The following POC1B variants were observed in gnomAD, a reference collection of about 807,000 sequenced individuals.
The protein encoded by POC1B is POC1 centriolar protein homolog B.
In POC1B, 44 loss-of-function variants were observed where a neutral mutation model predicts 60.6. That is an observed-to-expected ratio of 0.73 (90% confidence interval 0.57 to 0.93). POC1B has a LOEUF of 0.93. POC1B is among the 40% of genes least tolerant of loss of function. POC1B has a pLI of 0.00. For synonymous variants in POC1B, 180 were observed against 198.9 expected, an observed-to-expected ratio of 0.90 and a Z score of 0.80; for missense variants, 555 against 572.3, an observed-to-expected ratio of 0.97 and a Z score of 0.31.
intron 2 of POC1B, among the ~76,000 whole-genome samples, chr12:89,510,785 T>C (rs1427856974): frequency 7.3e-6 from 1 of 136,270 alleles, no homozygotes; most frequent in Non-Finnish European, 1.6e-5. Context: ...TGATATGGAG[T>C]CTCATTCTGT....
Position 89,453,583 on chromosome 12 carries a change from C to A in POC1B, c.1113+6055G>T, listed in dbSNP as rs536959398. Among the ~76,000 whole-genome samples, 4 of 152,306 alleles carry A rather than the reference C, an allele frequency of 2.6e-5. No individual in the cohort carries two copies. The South Asian group carries it at 8.3e-4, about 32-fold the overall frequency. ...AGTTTCAGAAGTCATATGCCCTAAA[C>A]TGACAAATCAAATGCCACCATATAA... On this transcript the variant is annotated intron_variant, in intron 10 of 11. Transcript: ENST00000313546.
intron 10 of POC1B, among the ~76,000 whole-genome samples, chr12:89,453,396 C>T (rs1882132621): frequency 6.6e-6 from 1 of 152,132 alleles, no homozygotes; most frequent in Admixed American, 6.5e-5. Context: ...AGTCCAGAGA[C>T]CTGGATCCTA....
At chr12:89,440,086 A>T (rs1881449369) in intron 10 of POC1B, among the ~76,000 whole-genome samples, 1 of 152,188 alleles carries the variant, frequency 6.6e-6, no homozygotes, top group Non-Finnish European at 1.5e-5. Flanking sequence ...AGTGTCCGAC[A>T]CGTTCATTTT....
chr12:89,404,688 C>CA, the POC1B span, among the ~76,000 whole-genome samples: 1 of 152,192 alleles, frequency 6.6e-6, no homozygotes, highest in Non-Finnish European at 1.5e-5. Flanking sequence ...ACTTGACTGT[C>CA]AGCTCTTCCT....
chr12:89,412,825 T>TCCTC, the POC1B span, among the ~76,000 whole-genome samples: 1 of 122,412 alleles, frequency 8.2e-6, no homozygotes, highest in African/African-American at 3.9e-5. Flanking sequence ...CTTCCTTCCT[T>TCCTC]CCTTCCTTCC....
intron 11 of POC1B, among the ~76,000 whole-genome samples, chr12:89,422,467 G>A (rs1480658481): frequency 6.6e-6 from 1 of 152,160 alleles, no homozygotes; most frequent in East Asian, 1.9e-4. Flanking sequence ...TGCACACTCA[G>A]GGTGCAGCTC....
chr12:89,515,191 G>A (rs567277334), intron 2 of POC1B, among the ~76,000 whole-genome samples: 1 of 151,984 alleles, frequency 6.6e-6, no homozygotes, highest in East Asian at 1.9e-4. Context: ...GTAAGGCATT[G>A]TGGCAAAAAG....
chr12:89,504,468 G>A (rs1488196391), intron 2 of POC1B, among the ~76,000 whole-genome samples: 2 of 152,046 alleles, frequency 1.3e-5, no homozygotes, highest in Non-Finnish European at 2.9e-5. Flanking sequence ...CAAACACTGC[G>A]GAAGGCCGCA....
intron 2 of POC1B, chr12:89,523,077 G>T (rs555881011): frequency 1.9e-6 from 3 of 1,613,792 alleles, no homozygotes; most frequent in Non-Finnish European, 2.5e-6. Flanking sequence ...TTATTTCTTT[G>T]TTTGAAGTAT....
chr12:89,454,560 C>T (rs1882178401), intron 10 of POC1B, among the ~76,000 whole-genome samples: 2 of 152,144 alleles, frequency 1.3e-5, no homozygotes, highest in South Asian at 4.2e-4. Context: ...TTCCATCTAT[C>T]ACTGCTCCCA....
At chr12:89,486,530 G>T (rs1436374278) in intron 4 of POC1B, among the ~76,000 whole-genome samples, 1 of 152,172 alleles carries the variant, frequency 6.6e-6, no homozygotes, top group Non-Finnish European at 1.5e-5. Context: ...AGTGACAAAA[G>T]AAAGATAGGA....
chr12:89,492,178 C>T (rs1164265626), intron 3 of POC1B, 63 bp from the exon 4 acceptor site: 1 of 1,235,154 alleles, frequency 8.1e-7, no homozygotes, highest in East Asian at 2.6e-5. Flanking sequence ...TACTTAATCA[C>T]AATACAGACT....
chr12:89,513,310 G>A (rs973351755), intron 2 of POC1B, among the ~76,000 whole-genome samples: 2 of 145,760 alleles, frequency 1.4e-5, no homozygotes, highest in African/African-American at 5.1e-5. Flanking sequence ...TGCAGGGAAA[G>A]TAACTAAAAA....
intron 2 of POC1B, among the ~76,000 whole-genome samples, chr12:89,508,745 C>T (rs1044134514): frequency 6.6e-6 from 1 of 152,136 alleles, no homozygotes; most frequent in East Asian, 1.9e-4. Context: ...GGGGGCTGTT[C>T]TCATGATAGT....
At chr12:89,460,982 A>G (rs1248861683) in intron 9 of POC1B, 2 of 152,202 alleles carry the variant, frequency 1.3e-5, no homozygotes, top group African/African-American at 2.4e-5. Flanking sequence ...AATGAATGGT[A>G]CCAATAAGTG....
rs1592603143 is a variant in POC1B at position 89,462,215 on chromosome 12, T to C, written c.1033-2497A>G. ...TATAGTCCTCTCCATAAAGAAAATATGCTGAGGGGGTGATATGGTTAAATT... is the reference window on the plus strand; with the variant it reads ...TATAGTCCTCTCCATAAAGAAAATACGCTGAGGGGGTGATATGGTTAAATT... On this transcript the variant is annotated intron_variant, in intron 9 of 11. Coordinates refer to ENST00000313546, the MANE Select transcript of POC1B (RefSeq NM_172240.3). Among the ~76,000 whole-genome samples, 3 of 152,302 alleles carry C rather than the reference T, an allele frequency of 2.0e-5. 1 individual carries two copies. Among genetic ancestry groups the C allele is most frequent in the South Asian group, 4.1e-4 (2 of 4,824 alleles).
At chr12:89,448,771 A>G (rs117047117) in intron 10 of POC1B, among the ~76,000 whole-genome samples, 39 of 152,378 alleles carry the variant, frequency 2.6e-4, no homozygotes, top group Non-Finnish European at 4.7e-4. Flanking sequence ...CTTAAACACA[A>G]TTCTTCCTGA....
rs77747639 is a variant in POC1B at position 89,466,241 on chromosome 12, G to T, written c.1032+529C>A. On this transcript the variant is annotated intron_variant, in intron 9 of 11. Transcript: ENST00000313546. ...TAAATCATAACACTTAAATTCATAG[G>T]ACCTAAGGGAATTTGTCAGCAAAAA... 6.7e-3 allele frequency among the ~76,000 whole-genome samples: 1,026 copies of T among 152,262 alleles called. 13 individuals carry two copies. Among genetic ancestry groups the T allele is most frequent in the African/African-American group, 0.023 (960 of 41,540 alleles).
intron 4 of POC1B, among the ~76,000 whole-genome samples, chr12:89,485,837 T>C (rs965217958): frequency 2.0e-5 from 3 of 152,248 alleles, no homozygotes; most frequent in Non-Finnish European, 4.4e-5. Context: ...CACTGATTGA[T>C]TCAACCATAT....
Sources: gnomAD v4.1 joint callset for allele counts (sites outside exome capture counted in the v4.1 genomes callset) on GRCh38, gnomAD v4.1.1 for gene constraint, MANE v1.5 for transcripts, NCBI Gene and HGNC (gene_info 2026-07-23, HGNC 2026-07-21) for gene names.